Variants in PAM observed in about 807,000 individuals in gnomAD.
PAM encodes the protein peptidylglycine alpha-amidating monooxygenase.
PAM carries 72 observed loss-of-function variants against 122.1 expected under a neutral mutation model. That is an observed-to-expected ratio of 0.59 (90% CI 0.49 to 0.72). The LOEUF (loss-of-function observed/expected upper bound fraction) is 0.72. Among genes scored for constraint, PAM ranks in the 30% least tolerant of loss-of-function variants. The pLI, the probability that PAM is intolerant of heterozygous loss-of-function variation, is 0.00. For synonymous variants in PAM, 389 were observed against 404.4 expected (o/e 0.96, Z 0.46); for missense variants, 1,106 against 1,183.7 (o/e 0.93, Z 0.96).
chr5:102,867,708 A>G (rs1171685252), intron 3 of PAM, among the ~76,000 whole-genome samples: 3 of 152,260 alleles, frequency 2.0e-5, no homozygotes, highest in African/African-American at 4.8e-5. Context: ...ACGCATTAAA[A>G]TATGAAAAAT....
At chr5:102,799,803 C>T (rs1428400202) in intron 1 of PAM, among the ~76,000 whole-genome samples, 1 of 152,204 alleles carries the variant, frequency 6.6e-6, no homozygotes, top group Non-Finnish European at 1.5e-5. Flanking sequence ...TATTTGCACT[C>T]CCTGAGCTAA....
Position 102,867,363 on chromosome 5 carries a change from T to C in PAM, c.180T>C (p.Asp60=). ...VPIDSSDFAL[D]IRMPGVTPKQ... is the part of the protein sequence containing the mutation. The stretch of plus-strand genomic sequence containing the variant: ...TTGATTCATCAGATTTTGCATTGGA[T>C]ATTCGCATGCCTGGGGTTACACCTA... The change falls in exon 3 of 26, where the codon GAT becomes GAC. Residue 60 remains aspartate, a synonymous_variant. Transcript: ENST00000438793. 1 of 1,608,940 alleles carries C rather than the reference T, an allele frequency of 6.2e-7. No homozygotes were observed. Among genetic ancestry groups the C allele is most frequent in the Non-Finnish European group, 8.5e-7 (1 of 1,175,360 alleles).
chr5:102,763,036 AC>A (rs1253435061), intron 1 of PAM, among the ~76,000 whole-genome samples: 1 of 152,184 alleles, frequency 6.6e-6, no homozygotes, highest in East Asian at 1.9e-4. Context: ...TGTAAATGTA[AC>A]CTTTCACCTA....
intron 1 of PAM, among the ~76,000 whole-genome samples, chr5:102,824,655 A>C (rs993991328): frequency 6.6e-6 from 1 of 152,162 alleles, no homozygotes; most frequent in Non-Finnish European, 1.5e-5. Flanking sequence ...TATTTGTGAA[A>C]GTTTTTATGC....
intron 1 of PAM, among the ~76,000 whole-genome samples, chr5:102,771,445 A>G (rs1319318009): frequency 6.6e-6 from 1 of 152,128 alleles, no homozygotes; most frequent in Non-Finnish European, 1.5e-5. Flanking sequence ...ATAGGAAGAA[A>G]GTAGTCTTAG....
At chr5:102,833,880 G>T (rs1407998807) in intron 1 of PAM, among the ~76,000 whole-genome samples, 3 of 152,108 alleles carry the variant, frequency 2.0e-5, no homozygotes, top group Non-Finnish European at 4.4e-5. Context: ...CCAATAAGCT[G>T]TTATAGTGTA....
At chr5:102,882,536 C>G (rs1171091694) in intron 3 of PAM, among the ~76,000 whole-genome samples, 1 of 151,878 alleles carries the variant, frequency 6.6e-6, no homozygotes, top group Non-Finnish European at 1.5e-5. Flanking sequence ...TGAGAATTGT[C>G]TATTCATGTC....
chr5:102,776,159 G>A lies in PAM; in HGVS notation c.-374+20811G>A, dbSNP rs1302657963. The stretch of plus-strand genomic sequence containing the variant: ...CTCCTTTTCAGAAGTGTCTGTTCAA[G>A]TCTTGTGCCCACTTTTTGATGGGGT... On this transcript the variant is annotated intron_variant, in intron 1 of 25. Coordinates refer to ENST00000438793, the MANE Select transcript of PAM (RefSeq NM_001177306.2). Among the ~76,000 whole-genome samples, 4 of 152,104 alleles carry A rather than the reference G, an allele frequency of 2.6e-5. No homozygotes were observed. In the East Asian group the frequency reaches 7.7e-4, roughly 29 times the overall value.
intron 7 of PAM, among the ~76,000 whole-genome samples, chr5:102,930,481 G>T (rs1751109331): frequency 6.6e-6 from 1 of 152,174 alleles, no homozygotes; most frequent in Admixed American, 6.5e-5. Context: ...AAAAGTAGAT[G>T]CAGAGACACG....
chr5:102,795,469 C>T (rs1432674813), intron 1 of PAM, among the ~76,000 whole-genome samples: 1 of 152,178 alleles, frequency 6.6e-6, no homozygotes, highest in Non-Finnish European at 1.5e-5. Flanking sequence ...GAGCAACTCT[C>T]GCTGCTTTAA....
At chr5:102,912,771 A>G (rs1397095286) in intron 4 of PAM, among the ~76,000 whole-genome samples, 1 of 152,008 alleles carries the variant, frequency 6.6e-6, no homozygotes, top group African/African-American at 2.4e-5. Context: ...CTCTTCATTA[A>G]TATTTTAAAT....
chr5:102,755,286 G>T (rs1457897707), upstream of PAM: 1 of 151,774 alleles, frequency 6.6e-6, no homozygotes, highest in African/African-American at 2.4e-5. Flanking sequence ...AACTAACTCC[G>T]CCCGCCGCTC....
At chr5:102,961,260 A>C in intron 14 of PAM, 31 bp downstream of exon 14, 2 of 1,212,178 alleles carry the variant, frequency 1.6e-6, no homozygotes, top group Non-Finnish European at 2.4e-6. Context: ...AACTAGTCCT[A>C]TAAAAGTATC....
intron 15 of PAM, chr5:102,987,533 T>C (rs1172000332): frequency 6.6e-6 from 3 of 456,018 alleles, no homozygotes; most frequent in South Asian, 4.7e-5. Context: ...AGAGAAGATA[T>C]GAAATGTTTC....
chr5:102,838,075 G>C (rs1777568460), intron 1 of PAM: 1 of 152,094 alleles, frequency 6.6e-6, no homozygotes, highest in Non-Finnish European at 1.5e-5. Flanking sequence ...GAAAGAAATT[G>C]ATTATAGTTC....
intron 1 of PAM, among the ~76,000 whole-genome samples, chr5:102,819,003 C>T (rs370415453): frequency 1.3e-5 from 2 of 152,134 alleles, no homozygotes; most frequent in African/African-American, 4.8e-5. Context: ...ATTCTTGATG[C>T]CAAAATATTT....
chr5:103,025,650 T>C (rs1784750846), intron 24 of PAM, among the ~76,000 whole-genome samples: 1 of 152,116 alleles, frequency 6.6e-6, no homozygotes, highest in South Asian at 2.1e-4. Context: ...CAGTATAAAT[T>C]AGCTGAAGGA....
intron 20 of PAM, 77 bp downstream of exon 20, chr5:103,007,734 T>C (rs1248594667): frequency 1.7e-5 from 15 of 885,648 alleles, no homozygotes; most frequent in Non-Finnish European, 2.3e-5. Flanking sequence ...CTTAATGTGC[T>C]CTTTTTATAA....
At chr5:103,013,737 G>A (rs60509949) in intron 21 of PAM, among the ~76,000 whole-genome samples, 3,156 of 152,160 alleles carry the variant, frequency 0.021, 125 homozygotes, top group African/African-American at 0.073. Flanking sequence ...ATTATGCTAG[G>A]TACTAAGGGT....
Sources: allele counts gnomAD v4.1 joint callset (sites outside exome capture counted in the v4.1 genomes callset), GRCh38; gene constraint gnomAD v4.1.1; transcripts MANE v1.5; gene names NCBI Gene and HGNC (gene_info 2026-07-23, HGNC 2026-07-21).